Variants in KCNC4 observed in about 807,000 individuals in gnomAD.
KCNC4 encodes potassium voltage-gated channel subfamily C member 4.
Under a neutral mutation model 42.8 loss-of-function variants are expected in KCNC4, and 23 were observed. The observed-to-expected ratio is 0.54, with a 90% CI of 0.39 to 0.76. The LOEUF (loss-of-function observed/expected upper bound fraction) is 0.76, where lower values mean the gene tolerates loss of function less well. KCNC4 is among the 30% of genes least tolerant of loss of function. The pLI, the probability that KCNC4 is intolerant of heterozygous loss-of-function variation, is 0.00. For synonymous variants in KCNC4, 422 were observed against 393.5 expected (o/e 1.07, Z -0.86); for missense variants, 751 against 898.2 (o/e 0.84, Z 2.10).
Position 110,279,252 on chromosome 1 carries a change from A to C in KCNC4, n.31-3282A>C, listed in dbSNP as rs534897185. Reference sequence around the variant, plus strand: ...CATGGCTCTCTACAAAGCCACTTCCAGTTGATAGAGTCGGCATTCTGATTT... The same window carrying C: ...CATGGCTCTCTACAAAGCCACTTCCCGTTGATAGAGTCGGCATTCTGATTT... On this transcript the variant is annotated intron_variant and non_coding_transcript_variant, in intron 1 of 2. Transcript: ENST00000412512. Among the ~76,000 whole-genome samples the C allele has an allele frequency of 5.9e-5, 9 of 152,292 alleles. No individual in the cohort carries two copies. In the South Asian group the frequency reaches 1.9e-3, roughly 32 times the overall value.
In KCNC4 at chr1:110,233,059, C is replaced by A; in HGVS notation, c.*87C>A. Reference sequence around the variant, plus strand: ...TGGAACCCAGACAAGAATCTTTTCGCTGGGAAAGACTCAGATATCCTTGTT... The same window carrying A: ...TGGAACCCAGACAAGAATCTTTTCGATGGGAAAGACTCAGATATCCTTGTT... On this transcript the variant is annotated 3_prime_UTR_variant, in exon 4 of 4. Coordinates refer to ENST00000438661, the MANE Select transcript of KCNC4 (RefSeq NM_001039574.3). The A allele has an allele frequency of 2.0e-6, 3 of 1,473,514 alleles. No individual in the cohort carries two copies. Among genetic ancestry groups the A allele is most frequent in the Non-Finnish European group, 9.2e-7 (1 of 1,082,488 alleles). The allele number at this position is 1,473,514 out of a possible 1,614,324, so 91.3% of individuals were successfully genotyped here.
chr1:110,229,468 C>T (rs904836660), intron 3 of KCNC4, among the ~76,000 whole-genome samples: 9 of 152,148 alleles, frequency 5.9e-5, no homozygotes, highest in East Asian at 1.9e-4. Flanking sequence ...TTCTGCGCCC[C>T]GAGCTGCAGC....
At chr1:110,213,396 G>A (rs1035786024) in intron 1 of KCNC4, among the ~76,000 whole-genome samples, 1 of 152,094 alleles carries the variant, frequency 6.6e-6, no homozygotes, top group African/African-American at 2.4e-5. Context: ...TCATGTTAAT[G>A]AGTCTCAGAG....
intron 3 of KCNC4, 97 bp downstream of exon 3, chr1:110,226,275 C>G (rs554169643): frequency 1.0e-6 from 1 of 1,002,314 alleles, no homozygotes; most frequent in Admixed American, 1.9e-5. Flanking sequence ...CCCCTGAGAC[C>G]GTGGCCGCCA....
chr1:110,281,308 A>C (rs1243315169), intron 1 of KCNC4, among the ~76,000 whole-genome samples: 1 of 152,062 alleles, frequency 6.6e-6, no homozygotes, highest in East Asian at 1.9e-4. Flanking sequence ...GAATTCACCC[A>C]GGAAATGATG....
At position 110,226,108 on chromosome 1, in the gene KCNC4, C is replaced by G; in HGVS notation, c.1749C>G (p.Asn583Lys). ...GACGCTCCACCACTCGAGACAGAAA[C>G]AAGAAGGCAGCTGCCTGCTTCCTGC... is the stretch of plus-strand genomic sequence containing the variant. ...ALRRSTTRDR[N>K]KKAAACFLLS... The change falls in exon 3 of 4, where the codon AAC (asparagine) becomes AAG (lysine). Residue 583 changes from asparagine (N) to lysine (K), a missense_variant. Coordinates refer to ENST00000438661, the MANE Select transcript of KCNC4 (RefSeq NM_001039574.3). The G allele has an allele frequency of 6.2e-7, 1 of 1,614,168 alleles. No individual in the cohort carries two copies. The highest frequency in any genetic ancestry group is 8.5e-7 in the Non-Finnish European group (1 of 1,180,026).
At position 110,212,140 on chromosome 1, in the gene KCNC4, C is replaced by A; in HGVS notation, c.641C>A (p.Ala214Glu). Residue 214 changes from alanine to glutamate, a missense_variant, in exon 1 of 4, where the codon GCG becomes GAG. Around this residue, in one of 4 missense-constraint regions of KCNC4, gnomAD observed 181 missense variants for 167.3 expected, o/e 1.08. Coordinates refer to ENST00000438661, the MANE Select transcript of KCNC4 (RefSeq NM_001039574.3). ...GCRGWQPRMWALFEDPYSSRA... is the reference protein window; with the variant it reads ...GCRGWQPRMWELFEDPYSSRA... ...CGCGGCTGGCAGCCCCGCATGTGGG[C>A]GCTCTTCGAGGATCCCTACTCCTCC... 1 of 1,509,216 alleles carries A rather than the reference C, an allele frequency of 6.6e-7. No homozygotes were observed. The allele number at this position is 1,509,216 out of a possible 1,614,324, so 93.5% of individuals were successfully genotyped here. A position where few individuals can be genotyped will look rare whatever the true frequency, so the allele number is the denominator to read the frequency against.
intron 1 of KCNC4, among the ~76,000 whole-genome samples, chr1:110,273,741 G>C (rs1659673202): frequency 6.6e-6 from 1 of 152,244 alleles, no homozygotes. Context: ...ATATGGGTGA[G>C]TGGTGTCTGT....
chr1:110,226,130 C>T lies in KCNC4; in HGVS notation c.1771C>T (p.Leu591=), dbSNP rs1177145335. The T allele has an allele frequency of 6.2e-7, 1 of 1,614,102 alleles. No homozygotes were observed. Among genetic ancestry groups the T allele is most frequent in the Non-Finnish European group, 8.5e-7 (1 of 1,180,050 alleles). The change falls in exon 3 of 4, where the codon CTG becomes TTG. Residue 591 remains leucine, a synonymous_variant. Transcript: ENST00000438661. The stretch of plus-strand genomic sequence containing the variant: ...AAACAAGAAGGCAGCTGCCTGCTTC[C>T]TGCTCAGCACTGGGGACTATGCCTG... ...DRNKKAAACF[L]LSTGDYACAD...
Position 110,211,367 on chromosome 1 carries a change from AGCCGCAGAGGGG to A in KCNC4, c.-127_-116del. The A allele has an allele frequency of 7.4e-7, 1 of 1,347,782 alleles. No individual in the cohort carries two copies. The highest frequency in any genetic ancestry group is 1.0e-6 in the Non-Finnish European group (1 of 1,003,308). 83.5% of individuals were successfully genotyped at this position (1,347,782 alleles called of 1,614,324 possible). A position where few individuals can be genotyped will look rare whatever the true frequency, so the allele number is the denominator to read the frequency against. On this transcript the variant is annotated 5_prime_UTR_variant, in exon 1 of 4. Transcript: ENST00000438661. The surrounding 1 kb of genome is among the most constrained non-coding windows in gnomAD (Gnocchi z 6.5). Reference sequence around the variant, plus strand: ...AGGGGGATAGGCAGGGGCAAGCCCAAGCCGCAGAGGGGGCCGCCACCGCCTCCTGCCTCCTCT... The same window carrying A: ...AGGGGGATAGGCAGGGGCAAGCCCAAGCCGCCACCGCCTCCTGCCTCCTCT...
rs1161419340 is a variant in KCNC4, at chr1:110,223,318, T to C, written c.1033T>C (p.Phe345Leu). The C allele has an allele frequency of 6.2e-7, 1 of 1,614,072 alleles. No individual in the cohort carries two copies. Among genetic ancestry groups the C allele is most frequent in the East Asian group, 2.2e-5 (1 of 44,864 alleles). Residue 345 changes from phenylalanine to leucine, a missense_variant, in exon 2 of 4, where the codon TTC becomes CTC. Physicochemically the swap from Phe to Leu is conservative, Grantham distance 22. Coordinates refer to ENST00000438661, the MANE Select transcript of KCNC4 (RefSeq NM_001039574.3). The surrounding 1 kb of genome is among the most constrained non-coding windows in gnomAD (Gnocchi z 7.5). ...CAAGGCGGCCCGCGACGTGCTGGGC[T>C]TCCTGCGCGTGGTGCGCTTCGTGCG... ...SSKAARDVLG[F>L]LRVVRFVRIL...
chr1:110,226,308 C>A, intron 3 of KCNC4, 130 bp downstream of exon 3: 1 of 731,824 alleles, frequency 1.4e-6, no homozygotes. Flanking sequence ...TGGATGCACC[C>A]CCACTTTTAG....
chr1:110,251,489 C>T (rs997107047), downstream of KCNC4, among the ~76,000 whole-genome samples: 4 of 152,200 alleles, frequency 2.6e-5, no homozygotes, highest in African/African-American at 9.7e-5. Flanking sequence ...TGAGGCACCC[C>T]CAGCCATGTG....
At chr1:110,266,135 C>A (rs139743625) in intron 1 of KCNC4, among the ~76,000 whole-genome samples, 27 of 152,264 alleles carry the variant, frequency 1.8e-4, no homozygotes, top group African/African-American at 6.3e-4. Context: ...CCCCCGACAG[C>A]TCTGGAAATA....
intron 3 of KCNC4, among the ~76,000 whole-genome samples, chr1:110,227,391 C>T (rs1442550798): frequency 6.6e-6 from 1 of 152,226 alleles, no homozygotes; most frequent in African/African-American, 2.4e-5. Flanking sequence ...GCCTAACCAG[C>T]CCCTGAAAGG....
chr1:110,227,389 A>G (rs1197449846), intron 3 of KCNC4, among the ~76,000 whole-genome samples: 2 of 152,180 alleles, frequency 1.3e-5, no homozygotes, highest in Admixed American at 6.5e-5. Context: ...GAGCCTAACC[A>G]GCCCCTGAAA....
chr1:110,232,880 A>G, intron 3 of KCNC4, 31 bp from the exon 4 acceptor site: 1 of 1,601,490 alleles, frequency 6.2e-7, no homozygotes, highest in Non-Finnish European at 8.5e-7. Context: ...CGTGCGTCCC[A>G]GTGTCTCACA....
At chr1:110,222,763 G>T in intron 1 of KCNC4, 1 of 568,838 alleles carries the variant, frequency 1.8e-6, no homozygotes, top group Admixed American at 3.0e-5. Context: ...GACAAAGATT[G>T]GGAAACATTG....
rs1337397557 is a variant in KCNC4, at chr1:110,210,660, G to A, written c.-840G>A. Among the ~76,000 whole-genome samples, 1 of 150,442 alleles carries A rather than the reference G, an allele frequency of 6.6e-6. No homozygotes were observed. The highest frequency in any genetic ancestry group is 6.6e-5 in the Admixed American group (1 of 15,150). On this transcript the variant is annotated 5_prime_UTR_variant, in exon 1 of 4. Coordinates refer to ENST00000438661, the MANE Select transcript of KCNC4 (RefSeq NM_001039574.3). ...CAGAGCGGCCCCGCCCCCCAGGCTCGGCGCCGCGCAGGACGCCCCGTCTGA... is the reference window on the plus strand; with the variant it reads ...CAGAGCGGCCCCGCCCCCCAGGCTCAGCGCCGCGCAGGACGCCCCGTCTGA...
Sources: allele counts gnomAD v4.1 joint callset (sites outside exome capture counted in the v4.1 genomes callset), GRCh38; gene constraint gnomAD v4.1.1; regional missense constraint gnomAD v4.1.1; non-coding constraint Gnocchi (gnomAD v3.1); transcripts MANE v1.5; gene names NCBI Gene and HGNC (gene_info 2026-07-23, HGNC 2026-07-21).